COL5A3: variants seen among roughly 807,000 people sequenced by gnomAD.
COL5A3 encodes the protein collagen type V alpha 3 chain.
A neutral mutation model predicts 250.0 loss-of-function variants in COL5A3; 172 were observed. The ratio of observed to expected loss-of-function variants is 0.69; its 90% CI spans 0.61 to 0.78. COL5A3 has a LOEUF of 0.78. COL5A3 is among the 30% of genes least tolerant of loss of function. The probability of loss-of-function intolerance (pLI) is 0.00; values close to 1 mark genes in which losing one functional copy is unlikely to be tolerated. For synonymous variants in COL5A3, 937 were observed against 900.4 expected, an observed-to-expected ratio of 1.04 and a Z score of -0.73; for missense variants, 2,340 against 2,334.4, an observed-to-expected ratio of 1.00 and a Z score of -0.05.
Position 9,968,136 on chromosome 19 carries a change from T to A in COL5A3, c.4315-57A>T. 2.0e-6 allele frequency: 3 copies of A among 1,480,666 alleles called. No individual in the cohort carries two copies. The highest frequency in any genetic ancestry group is 2.8e-6 in the Non-Finnish European group (3 of 1,086,084). 91.7% of individuals were successfully genotyped at this position (1,480,666 alleles called of 1,614,324 possible). On this transcript the variant is annotated intron_variant, in intron 59 of 66. Coordinates refer to ENST00000264828, the MANE Select transcript of COL5A3 (RefSeq NM_015719.4). This position sits in a 1 kb window ranked among gnomAD's most constrained non-coding sequence, Gnocchi z 4.1. Reference sequence around the variant, plus strand: ...GGGTACACCCTATTGCCCTGACACATCCCCCAGACAAGCCTTCAATCCTAC... The same window carrying A: ...GGGTACACCCTATTGCCCTGACACAACCCCCAGACAAGCCTTCAATCCTAC...
chr19:10,000,938 G>A (rs2087351484), intron 8 of COL5A3, among the ~76,000 whole-genome samples: 1 of 152,108 alleles, frequency 6.6e-6, no homozygotes. Flanking sequence ...GGACCTATCG[G>A]AGGGTGGAGG....
chr19:9,977,810 A>C (rs1599543608), intron 41 of COL5A3, 109 bp from the exon 42 acceptor site: 4 of 844,732 alleles, frequency 4.7e-6, no homozygotes, highest in Non-Finnish European at 6.7e-6. Flanking sequence ...ATTGTATCTA[A>C]CCTGTTCCCC....
chr19:10,007,520 C>T (rs891948842), intron 1 of COL5A3, among the ~76,000 whole-genome samples: 8 of 152,232 alleles, frequency 5.3e-5, no homozygotes, highest in Non-Finnish European at 1.0e-4. Flanking sequence ...TGGGCAGGGG[C>T]GGGTGGGGGC....
chr19:9,985,700 C>T (rs1382332894), intron 31 of COL5A3, 142 bp downstream of exon 31: 54 of 760,500 alleles, frequency 7.1e-5, no homozygotes. Flanking sequence ...GCCACTATGC[C>T]TGGCCAAAGC....
At chr19:9,994,347 T>G (rs978399414) in intron 16 of COL5A3, among the ~76,000 whole-genome samples, 1 of 151,082 alleles carries the variant, frequency 6.6e-6, no homozygotes, top group African/African-American at 2.4e-5. Flanking sequence ...CCTGGCTAAT[T>G]TTTTATTTGT....
At position 9,967,517 on chromosome 19, in the gene COL5A3, ACT is replaced by A. The variant is rs1197123687; in HGVS notation, c.4405-119_4405-118del. ...CACTCACACACACACAGTCTCACACACTCACATACACACTCACTCACACACTC... is the reference window on the plus strand; with the variant it reads ...CACTCACACACACACAGTCTCACACACACATACACACTCACTCACACACTC... On this transcript the variant is annotated intron_variant, in intron 61 of 66. Transcript: ENST00000264828. The A allele has an allele frequency of 9.7e-6, 7 of 721,392 alleles. No individual in the cohort carries two copies. In the Admixed American group the frequency reaches 1.0e-4, roughly 10 times the overall value. 44.7% of individuals were successfully genotyped at this position (721,392 alleles called of 1,614,324 possible).
rs912689784 is a variant in COL5A3 at position 9,997,261 on chromosome 19, G to A, written c.1263+110C>T. ...AACAGAAGAGGTCAGTGCCAGCCCC[G>A]GGATGGTGTTCCCGAGTGCCACACC... On this transcript the variant is annotated intron_variant, in intron 11 of 66. Transcript: ENST00000264828. 29 of 813,084 alleles carry A rather than the reference G, an allele frequency of 3.6e-5. No individual in the cohort carries two copies. In the Middle Eastern group the frequency reaches 8.8e-4, roughly 25 times the overall value. 50.4% of individuals were successfully genotyped at this position (813,084 alleles called of 1,614,324 possible).
rs1431716533 is a variant in COL5A3, at chr19:9,974,355, T to C, written c.3396A>G (p.Lys1132=). Residue 1132 remains lysine (K), a synonymous_variant, in exon 46 of 67, where the codon AAA becomes AAG. Transcript: ENST00000264828. ...CAAAGCCTCTGACTCCGTCATCTCCTTTCTGCCCAAAGAGGCCTGGGGGTC... is the reference window on the plus strand; with the variant it reads ...CAAAGCCTCTGACTCCGTCATCTCCCTTCTGCCCAAAGAGGCCTGGGGGTC... The part of the protein sequence containing the change: ...RRGPPGLFGQ[K]GDDGVRGFVG... 6.2e-7 allele frequency: 1 copy of C among 1,612,568 alleles called. No homozygotes were observed. The highest frequency in any genetic ancestry group is 2.2e-5 in the East Asian group (1 of 44,834).
intron 57 of COL5A3, 60 bp downstream of exon 57, chr19:9,969,289 T>C: frequency 2.1e-6 from 3 of 1,429,582 alleles, no homozygotes; most frequent in Non-Finnish European, 2.9e-6. Context: ...CACTAGGTGG[T>C]CACTAGGTGC....
Position 9,968,459 on chromosome 19 carries a change from G to A in COL5A3, c.4240C>T (p.Pro1414Ser), listed in dbSNP as rs1037659695. 5.0e-6 allele frequency: 8 copies of A among 1,587,664 alleles called. No individual in the cohort carries two copies. The highest frequency in any genetic ancestry group is 2.0e-5 in the Admixed American group (1 of 50,034). The stretch of plus-strand genomic sequence containing the variant: ...TCTCCTTTCTCACCAGCTTCTCCCG[G>A]GGGGCCAATGAGACCGATCAATCCA... Reference protein sequence around the residue: ...HIGLIGLIGPPGEAGEKGDQG... With the variant: ...HIGLIGLIGPSGEAGEKGDQG... Residue 1414 changes from proline (P) to serine (S), a missense_variant, in exon 59 of 67, where the codon CCG becomes TCG. Pro to Ser is a moderately conservative substitution (Grantham distance 74). Around this residue, in one of 3 missense-constraint regions of COL5A3, gnomAD observed 1,179 missense variants for 1,162.6 expected, o/e 1.01. Transcript: ENST00000264828. This position sits in a 1 kb window ranked among gnomAD's most constrained non-coding sequence, Gnocchi z 4.1.
Position 9,992,139 on chromosome 19 carries a change from A to G in COL5A3, c.1849-91T>C, listed in dbSNP as rs1332237751. 17 of 1,131,956 alleles carry G rather than the reference A, an allele frequency of 1.5e-5. No individual in the cohort carries two copies. The East Asian group carries it at 2.4e-4, about 16-fold the overall frequency. The allele number at this position is 1,131,956 out of a possible 1,614,324, so 70.1% of individuals were successfully genotyped here. On this transcript the variant is annotated intron_variant, in intron 21 of 66. Transcript: ENST00000264828. Reference sequence around the variant, plus strand: ...GAGAGATGCAGGTGGAAAGGTGAGCAGGGCCGGGCACTGTGGCTCATGCTT... The same window carrying G: ...GAGAGATGCAGGTGGAAAGGTGAGCGGGGCCGGGCACTGTGGCTCATGCTT...
In COL5A3 at chr19:9,966,641, A is replaced by T. The variant is rs546443206; in HGVS notation, c.4564T>A (p.Ser1522Thr). Reference sequence around the variant, plus strand: ...AGCTGCTCCAGCTCCAAGCTCAGCGATGTGAGCGAGGCCAGCACCTCCTCC... The same window carrying T: ...AGCTGCTCCAGCTCCAAGCTCAGCGTTGTGAGCGAGGCCAGCACCTCCTCC... ...GLEEVLASLT[S>T]LSLELEQLRR... Residue 1522 changes from serine to threonine, a missense_variant, in exon 63 of 67, where the codon TCG (serine) becomes ACG (threonine). By Grantham distance (58) the Ser-to-Thr change is moderately conservative. Around this residue, in one of 3 missense-constraint regions of COL5A3, gnomAD observed 1,179 missense variants for 1,162.6 expected, o/e 1.01. Coordinates refer to ENST00000264828, the MANE Select transcript of COL5A3 (RefSeq NM_015719.4). The T allele has an allele frequency of 1.3e-6, 2 of 1,538,454 alleles. No homozygotes were observed. The highest frequency in any genetic ancestry group is 1.4e-5 in the African/African-American group (1 of 73,146).
At chr19:9,983,863 A>AG in intron 31 of COL5A3, among the ~76,000 whole-genome samples, 1 of 151,756 alleles carries the variant, frequency 6.6e-6, no homozygotes, top group African/African-American at 2.4e-5. Flanking sequence ...AGAAAAAAAA[A>AG]TCTAAGTTAA....
chr19:9,986,657 A>C, intron 28 of COL5A3, 51 bp from the exon 29 acceptor site: 1 of 1,613,368 alleles, frequency 6.2e-7, no homozygotes. Flanking sequence ...GAAGGGACAC[A>C]ACCAGGACCC....
intron 37 of COL5A3, 64 bp downstream of exon 37, chr19:9,979,775 G>T (rs1413905444): frequency 7.0e-7 from 1 of 1,426,208 alleles, no homozygotes; most frequent in Non-Finnish European, 9.6e-7. Context: ...GACAGAGTGA[G>T]ACTCTGTCTC....
At chr19:9,999,005 C>T (rs1032909221) in intron 8 of COL5A3, among the ~76,000 whole-genome samples, 3 of 141,394 alleles carry the variant, frequency 2.1e-5, no homozygotes, top group African/African-American at 8.4e-5. Context: ...TCCTTTCTTT[C>T]TTTTCTTTCT....
Position 9,966,597 on chromosome 19 carries a change from A to C in COL5A3, c.4608T>G (p.Thr1536=), listed in dbSNP as rs2086750567. ...GGCACACGAGGCCCGGGCGCTCCGC[A>C]GTGCCGGGAGGACGCCGCAGCTGCT... ...ELEQLRRPPG[T]AERPGLVCHE... The change falls in exon 63 of 67, where the codon ACT becomes ACG. Residue 1536 remains threonine (T), a synonymous_variant. Coordinates refer to ENST00000264828, the MANE Select transcript of COL5A3 (RefSeq NM_015719.4). The C allele has an allele frequency of 6.5e-7, 1 of 1,540,510 alleles. No homozygotes were observed. Among genetic ancestry groups the C allele is most frequent in the South Asian group, 1.2e-5 (1 of 84,172 alleles).
Position 9,995,559 on chromosome 19 carries a change from C to G in COL5A3, c.1587+5G>C. The G allele has an allele frequency of 6.2e-7, 1 of 1,607,444 alleles. No homozygotes were observed. The highest frequency in any genetic ancestry group is 8.5e-7 in the Non-Finnish European group (1 of 1,176,180). Reference sequence around the variant, plus strand: ...GGGTGGTCTGGGGACCTAGCTGTCACTCACCATCTTGCCCACTCGGCCAGG... The same window carrying G: ...GGGTGGTCTGGGGACCTAGCTGTCAGTCACCATCTTGCCCACTCGGCCAGG... On this transcript the variant is annotated splice_donor_5th_base_variant and intron_variant, in intron 16 of 66. Coordinates refer to ENST00000264828, the MANE Select transcript of COL5A3 (RefSeq NM_015719.4).
chr19:9,996,329 T>A (rs2087271515), intron 13 of COL5A3, 67 bp from the exon 14 acceptor site: 2 of 1,549,962 alleles, frequency 1.3e-6, no homozygotes, highest in Admixed American at 2.0e-5. Flanking sequence ...CACAGAGGCA[T>A]CTTCAGGAGA....
Sources: gnomAD v4.1 joint callset for allele counts (sites outside exome capture counted in the v4.1 genomes callset) on GRCh38, gnomAD v4.1.1 for gene constraint, gnomAD v4.1.1 regional missense constraint, Gnocchi (gnomAD v3.1) non-coding constraint, MANE v1.5 for transcripts, NCBI Gene and HGNC (gene_info 2026-07-23, HGNC 2026-07-21) for gene names.